SLC25A24: variants seen among roughly 807,000 people sequenced by gnomAD.
SLC25A24 encodes mitochondrial adenyl nucleotide antiporter SLC25A24.
SLC25A24 carries 49 observed loss-of-function variants against 60.7 expected under a neutral mutation model. The ratio of observed to expected loss-of-function variants is 0.81; its 90% CI spans 0.64 to 1.02. The LOEUF is 1.02. Among genes scored for constraint, SLC25A24 ranks in the 50% least tolerant of loss-of-function variants. The probability of loss-of-function intolerance (pLI) is 0.00; values close to 1 mark genes in which losing one functional copy is unlikely to be tolerated. For synonymous variants in SLC25A24, 202 were observed against 200.6 expected (o/e 1.01, Z -0.06); for missense variants, 564 against 586.3 (o/e 0.96, Z 0.39).
Position 108,134,414 on chromosome 1 carries a change from C to A in SLC25A24, c.*2239G>T, listed in dbSNP as rs1488063323. On this transcript the variant is annotated 3_prime_UTR_variant, in exon 10 of 10. Coordinates refer to ENST00000565488, the MANE Select transcript of SLC25A24 (RefSeq NM_013386.5). Reference sequence around the variant, plus strand: ...TTATGAAATTTTAAAAAATTACTTACCAGTGAATTCAACTTAGAATTTTTT... The same window carrying A: ...TTATGAAATTTTAAAAAATTACTTAACAGTGAATTCAACTTAGAATTTTTT... 6.6e-6 allele frequency: 1 copy of A among 152,120 alleles called. No individual in the cohort carries two copies. Among genetic ancestry groups the A allele is most frequent in the Non-Finnish European group, 1.5e-5 (1 of 68,022 alleles). 9.4% of individuals were successfully genotyped at this position (152,120 alleles called of 1,614,324 possible). A position where few individuals can be genotyped will look rare whatever the true frequency, so the allele number is the denominator to read the frequency against.
intron 1 of SLC25A24, 60 bp downstream of exon 1, chr1:108,199,896 C>A: frequency 1.5e-6 from 2 of 1,352,872 alleles, no homozygotes; most frequent in Non-Finnish European, 1.0e-6. Flanking sequence ...TCGGTCCTCG[C>A]AGTGTCCCCA....
chr1:108,176,856 T>G (rs1278217111), intron 3 of SLC25A24, among the ~76,000 whole-genome samples: 2 of 152,150 alleles, frequency 1.3e-5, no homozygotes. Context: ...GCACCTATTT[T>G]ATAAGAAACG....
At chr1:108,166,658 C>A (rs1443293842) in intron 3 of SLC25A24, among the ~76,000 whole-genome samples, 2 of 151,962 alleles carry the variant, frequency 1.3e-5, no homozygotes, top group Non-Finnish European at 2.9e-5. Context: ...CTCCTTTAAG[C>A]ACTTCTCTGT....
chr1:108,139,979 C>T (rs959676027), intron 8 of SLC25A24, among the ~76,000 whole-genome samples: 2 of 152,096 alleles, frequency 1.3e-5, no homozygotes, highest in Non-Finnish European at 2.9e-5. Flanking sequence ...ATCCCTGTTA[C>T]TCTAGGTCCC....
chr1:108,143,307 C>G (rs1679497420), intron 8 of SLC25A24, among the ~76,000 whole-genome samples: 1 of 152,202 alleles, frequency 6.6e-6, no homozygotes, highest in Admixed American at 6.5e-5. Flanking sequence ...AGGTGAACAA[C>G]TATACCTAAC....
chr1:108,176,823 A>G (rs987573121), intron 3 of SLC25A24, among the ~76,000 whole-genome samples: 3 of 152,212 alleles, frequency 2.0e-5, no homozygotes, highest in Non-Finnish European at 4.4e-5. Context: ...GACAAACAAT[A>G]GCTGAGGGAG....
intron 2 of SLC25A24, among the ~76,000 whole-genome samples, chr1:108,182,584 G>T (rs1299286141): frequency 6.6e-6 from 1 of 152,120 alleles, no homozygotes; most frequent in African/African-American, 2.4e-5. Flanking sequence ...TGCAATCCCA[G>T]CACTTTTGGA....
intron 7 of SLC25A24, among the ~76,000 whole-genome samples, chr1:108,145,722 G>C (rs1464476363): frequency 6.6e-6 from 1 of 152,062 alleles, no homozygotes; most frequent in African/African-American, 2.4e-5. Flanking sequence ...GTAGACGTGT[G>C]GTGTTATTTC....
chr1:108,153,907 G>C (rs1273464174), intron 6 of SLC25A24, among the ~76,000 whole-genome samples: 3 of 152,128 alleles, frequency 2.0e-5, no homozygotes, highest in Non-Finnish European at 4.4e-5. Context: ...ATTTTAGGCT[G>C]TGGCTTTCCT....
At position 108,200,234 on chromosome 1, in the gene SLC25A24, G is replaced by A. The variant is rs1030374513; in HGVS notation, c.-96C>T. 66 of 1,257,900 alleles carry A rather than the reference G, an allele frequency of 5.2e-5. No homozygotes were observed. Among genetic ancestry groups the A allele is most frequent in the Non-Finnish European group, 6.8e-5 (66 of 965,612 alleles). 77.9% of individuals were successfully genotyped at this position (1,257,900 alleles called of 1,614,324 possible). The stretch of plus-strand genomic sequence containing the variant: ...CCAGCGCGAGGCCGGGCTGGGCGGG[G>A]CGCGCGGCGCAACAGCGTTTGGGGC... On this transcript the variant is annotated 5_prime_UTR_variant, in exon 1 of 10. Coordinates refer to ENST00000565488, the MANE Select transcript of SLC25A24 (RefSeq NM_013386.5).
intron 5 of SLC25A24, 82 bp downstream of exon 5, chr1:108,157,380 A>T: frequency 7.0e-7 from 1 of 1,431,644 alleles, no homozygotes; most frequent in Non-Finnish European, 9.5e-7. Context: ...GAGAAATTTT[A>T]AAACTTCTTT....
chr1:108,163,263 G>A lies in SLC25A24; in HGVS notation c.399-1970C>T, dbSNP rs1412765072. ...AGCTTTGTTCTTTTGGCTTAGGATT[G>A]ACTTGGCAATGCGGGCTCTTTTTTG... On this transcript the variant is annotated intron_variant, in intron 3 of 9. Coordinates refer to ENST00000565488, the MANE Select transcript of SLC25A24 (RefSeq NM_013386.5). Among the ~76,000 whole-genome samples the A allele has an allele frequency of 3.7e-4, 39 of 106,126 alleles. 7 individuals are homozygous for A. In the East Asian group the frequency reaches 0.01, roughly 28 times the overall value. The allele number at this position is 106,126 out of a possible 152,430, so 69.6% of individuals were successfully genotyped here.
At position 108,138,194 on chromosome 1, in the gene SLC25A24, C is replaced by T. The variant is rs539714292; in HGVS notation, c.1249+864G>A. 2.2e-4 allele frequency among the ~76,000 whole-genome samples: 34 copies of T among 152,304 alleles called. No individual in the cohort carries two copies. In the South Asian group the frequency reaches 6.4e-3, roughly 29 times the overall value. On this transcript the variant is annotated intron_variant, in intron 9 of 9. Transcript: ENST00000565488. ...TAACGTCTTCTCTACTCTACACTGG[C>T]GGGGCCACACCTGACTTGTTGACTG...
intron 1 of SLC25A24, among the ~76,000 whole-genome samples, chr1:108,187,920 C>A (rs1571309074): frequency 6.0e-5 from 1 of 16,670 alleles, no homozygotes. Context: ...ATGGATAAGA[C>A]ATTATAGATA....
chr1:108,192,616 G>A, intron 1 of SLC25A24: 1 of 1,496,286 alleles, frequency 6.7e-7, no homozygotes. Flanking sequence ...CGTAGAGGGA[G>A]TCCATCGAGG....
chr1:108,150,038 C>T (rs1679714683), intron 6 of SLC25A24, among the ~76,000 whole-genome samples: 1 of 152,174 alleles, frequency 6.6e-6, no homozygotes, highest in Admixed American at 6.5e-5. Context: ...ACATAAAACT[C>T]CTCTTCTGCA....
chr1:108,199,508 T>TAGAC (rs1648595103), intron 1 of SLC25A24: 2 of 210,464 alleles, frequency 9.5e-6, no homozygotes, highest in African/African-American at 4.6e-5. Flanking sequence ...TTTCAAACAG[T>TAGAC]AGACAATACA....
At chr1:108,179,203 C>T (rs959523862) in intron 3 of SLC25A24, among the ~76,000 whole-genome samples, 4 of 149,812 alleles carry the variant, frequency 2.7e-5, no homozygotes, top group Admixed American at 2.0e-4. Context: ...CCTCATACTA[C>T]ACTTAGAATG....
At chr1:108,181,692 C>T (rs1451910887) in intron 3 of SLC25A24, among the ~76,000 whole-genome samples, 1 of 152,150 alleles carries the variant, frequency 6.6e-6, no homozygotes, top group Non-Finnish European at 1.5e-5. Flanking sequence ...GAGTTAAAAC[C>T]TTACTTCCTG....
Sources: allele counts gnomAD v4.1 joint callset (sites outside exome capture counted in the v4.1 genomes callset), GRCh38; gene constraint gnomAD v4.1.1; transcripts MANE v1.5; gene names NCBI Gene and HGNC (gene_info 2026-07-23, HGNC 2026-07-21).